DNAJC16: variants seen among roughly 807,000 people sequenced by gnomAD.
DNAJC16 encodes the protein dnaJ homolog subfamily C member 16.
In DNAJC16, 76 loss-of-function variants were observed where a neutral mutation model predicts 92.7. The ratio of observed to expected loss-of-function variants is 0.82; its 90% CI spans 0.68 to 0.99. The LOEUF (loss-of-function observed/expected upper bound fraction) is 0.99, where lower values mean the gene tolerates loss of function less well. DNAJC16 is among the 50% of genes least tolerant of loss of function. The pLI, the probability that DNAJC16 is intolerant of heterozygous loss-of-function variation, is 0.00. For synonymous variants in DNAJC16, 328 were observed against 358.7 expected (o/e 0.91, Z 0.97); for missense variants, 869 against 942.4 (o/e 0.92, Z 1.02).
At chr1:15,553,769 AG>A (rs1211199303) in intron 7 of DNAJC16, among the ~76,000 whole-genome samples, 2 of 152,200 alleles carry the variant, frequency 1.3e-5, no homozygotes, top group Non-Finnish European at 2.9e-5. Context: ...GTTTTCTAAC[AG>A]CATAGATTCG....
chr1:15,530,931 G>A (rs979502366), intron 2 of DNAJC16, among the ~76,000 whole-genome samples: 9 of 152,230 alleles, frequency 5.9e-5, no homozygotes, highest in East Asian at 5.8e-4. Context: ...CAAGTGATCC[G>A]TCCACCTCGG....
chr1:15,536,863 T>G, intron 4 of DNAJC16, 49 bp downstream of exon 4: 1 of 1,500,652 alleles, frequency 6.7e-7, no homozygotes, highest in African/African-American at 1.4e-5. Flanking sequence ...TGACTTTTTT[T>G]TTTTCAAGAT....
At chr1:15,535,844 C>G (rs770503393) in intron 3 of DNAJC16, among the ~76,000 whole-genome samples, 4 of 151,806 alleles carry the variant, frequency 2.6e-5, no homozygotes, top group Non-Finnish European at 5.9e-5. Context: ...TCACTGCAGC[C>G]TTCAACTACT....
chr1:15,544,571 C>T lies in DNAJC16; in HGVS notation c.747C>T (p.Asn249=), dbSNP rs746828447. The T allele has an allele frequency of 6.6e-5, 107 of 1,613,946 alleles. No individual in the cohort carries two copies. Among genetic ancestry groups the T allele is most frequent in the Non-Finnish European group, 9.0e-5 (106 of 1,179,982 alleles). The change falls in exon 5 of 15, where the codon AAC becomes AAT. Residue 249 remains asparagine (N), a synonymous_variant. Coordinates refer to ENST00000375847, the MANE Select transcript of DNAJC16 (RefSeq NM_015291.4). The part of the protein sequence containing the change: ...RQFVESLLPG[N]LVEKVTNKNY... ...TTGTAGAAAGTCTTCTTCCAGGGAA[C>T]TTGGTGGAGAAAGTAAGTATCTGTC... is the stretch of plus-strand genomic sequence containing the variant.
intron 7 of DNAJC16, among the ~76,000 whole-genome samples, chr1:15,556,048 C>T (rs537325555): frequency 6.8e-6 from 1 of 148,128 alleles, no homozygotes; most frequent in South Asian, 2.1e-4. Flanking sequence ...CACCCTAGCA[C>T]TTTTGGAGGC....
At chr1:15,544,105 A>C (rs1487054767) in intron 4 of DNAJC16, among the ~76,000 whole-genome samples, 1 of 146,522 alleles carries the variant, frequency 6.8e-6, no homozygotes, top group Admixed American at 6.9e-5. Flanking sequence ...TCAAGTATTA[A>C]GTGAAATAAG....
At chr1:15,549,855 G>T (rs1418933462) in intron 7 of DNAJC16, among the ~76,000 whole-genome samples, 2 of 151,882 alleles carry the variant, frequency 1.3e-5, no homozygotes, top group Admixed American at 1.3e-4. Flanking sequence ...TTGAGCGAGG[G>T]GGACCATGTT....
intron 7 of DNAJC16, among the ~76,000 whole-genome samples, chr1:15,556,512 C>G (rs1443866059): frequency 6.6e-6 from 1 of 152,230 alleles, no homozygotes; most frequent in Non-Finnish European, 1.5e-5. Flanking sequence ...GCGTGAGCCA[C>G]CGCGCCCAGC....
Position 15,567,136 on chromosome 1 carries a change from C to T in DNAJC16, c.1816C>T (p.Leu606Phe), listed in dbSNP as rs200177292. The T allele has an allele frequency of 6.2e-6, 10 of 1,612,846 alleles. No individual in the cohort carries two copies. The highest frequency in any genetic ancestry group is 8.5e-6 in the Non-Finnish European group (10 of 1,178,948). Residue 606 changes from leucine (L) to phenylalanine (F), a missense_variant, in exon 14 of 15, where the codon CTC becomes TTC. Physicochemically the swap from Leu to Phe is conservative, Grantham distance 22. Coordinates refer to ENST00000375847, the MANE Select transcript of DNAJC16 (RefSeq NM_015291.4). Reference protein sequence around the residue: ...PKKGFVEVTELTDVTYTSNLV... With the variant: ...PKKGFVEVTEFTDVTYTSNLV... The stretch of plus-strand genomic sequence containing the variant: ...AAAAGGCTTTGTGGAGGTAACTGAA[C>T]TCACAGATGTAACATACACCAGTAA...
chr1:15,544,169 C>CACACACACACAT (rs1177435975), intron 4 of DNAJC16, among the ~76,000 whole-genome samples: 1 of 151,190 alleles, frequency 6.6e-6, no homozygotes, highest in African/African-American at 2.4e-5. Context: ...CACACACACA[C>CACACACACACAT]ACACACACAC....
Position 15,570,427 on chromosome 1 carries a change from T to A in DNAJC16, c.*2250T>A, listed in dbSNP as rs1638922155. The A allele has an allele frequency of 6.6e-6, 1 of 152,212 alleles. No individual in the cohort carries two copies. Among genetic ancestry groups the A allele is most frequent in the South Asian group, 2.0e-4 (1 of 4,884 alleles). 9.4% of individuals were successfully genotyped at this position (152,212 alleles called of 1,614,324 possible). A position where few individuals can be genotyped will look rare whatever the true frequency, so the allele number is the denominator to read the frequency against. On this transcript the variant is annotated 3_prime_UTR_variant, in exon 15 of 15. Transcript: ENST00000375847. The stretch of plus-strand genomic sequence containing the variant: ...GGTCTTGCTATGTTGCCCAGGCTGG[T>A]CCCAAACTCCTGGCCTCAAGCAGTC...
Position 15,530,174 on chromosome 1 carries a change from T to A in DNAJC16, c.167+902T>A, listed in dbSNP as rs550231575. 7.9e-5 allele frequency among the ~76,000 whole-genome samples: 12 copies of A among 151,478 alleles called. No homozygotes were observed. The East Asian group carries it at 2.1e-3, about 27-fold the overall frequency. ...GCTCATGTTTGTAATCCCAGCACTT[T>A]GGGAGGCTGAGGTGGGAGGATCGTT... On this transcript the variant is annotated intron_variant, in intron 2 of 14. Transcript: ENST00000375847.
intron 7 of DNAJC16, among the ~76,000 whole-genome samples, chr1:15,558,171 CTTTTTTTT>C (rs1184997158): frequency 6.8e-5 from 8 of 117,800 alleles, no homozygotes; most frequent in Admixed American, 1.8e-4. Context: ...ATACCCAGCC[CTTTTTTTT>C]TTTTTTTTTT....
At chr1:15,553,671 G>A (rs1317028771) in intron 7 of DNAJC16, among the ~76,000 whole-genome samples, 3 of 152,146 alleles carry the variant, frequency 2.0e-5, no homozygotes, top group Admixed American at 1.3e-4. Context: ...AGCTTCACTT[G>A]ATCAAGAAAC....
intron 11 of DNAJC16, 69 bp from the exon 12 acceptor site, chr1:15,565,845 TTTTTA>T (rs1254508109): frequency 2.7e-6 from 4 of 1,488,370 alleles, no homozygotes; most frequent in Middle Eastern, 1.7e-4. Flanking sequence ...TGGTTTGGGA[TTTTTA>T]TTTTATCTTT....
Position 15,570,229 on chromosome 1 carries a change from C to T in DNAJC16, c.*2052C>T, listed in dbSNP as rs1448383501. The T allele has an allele frequency of 6.6e-6, 1 of 152,206 alleles. No homozygotes were observed. The highest frequency in any genetic ancestry group is 1.5e-5 in the Non-Finnish European group (1 of 68,040). The allele number at this position is 152,206 out of a possible 1,614,324, so 9.4% of individuals were successfully genotyped here. On this transcript the variant is annotated 3_prime_UTR_variant, in exon 15 of 15. Coordinates refer to ENST00000375847, the MANE Select transcript of DNAJC16 (RefSeq NM_015291.4). ...TCATTTGGCTCCTTGATACATCAGT[C>T]CTCAATATTACTTTCTAGGTATTTT...
rs984529939 is a variant in DNAJC16, at chr1:15,571,046, G to C, written c.*2869G>C. 1 of 151,840 alleles carries C rather than the reference G, an allele frequency of 6.6e-6. No homozygotes were observed. The highest frequency in any genetic ancestry group is 2.4e-5 in the African/African-American group (1 of 41,352). 9.4% of individuals were successfully genotyped at this position (151,840 alleles called of 1,614,324 possible). A position where few individuals can be genotyped will look rare whatever the true frequency, so the allele number is the denominator to read the frequency against. ...AAAAAAAATTTGTTGCTCAGGTGTT[G>C]CACAATTTTTATCTAACACTGAGGC... On this transcript the variant is annotated 3_prime_UTR_variant, in exon 15 of 15. Transcript: ENST00000375847.
rs116357026 is a variant in DNAJC16 at position 15,537,867 on chromosome 1, G to A, written c.574+1053G>A. 3.8e-3 allele frequency among the ~76,000 whole-genome samples: 583 copies of A among 152,274 alleles called. 2 individuals carry two copies. Among genetic ancestry groups the A allele is most frequent in the Middle Eastern group, 6.8e-3 (2 of 294 alleles). On this transcript the variant is annotated intron_variant, in intron 4 of 14. Transcript: ENST00000375847. ...AGTCTGACCGTCTTAAACACTGCGCGCGTACTGCTTCAGAAATAAGTAAAT... is the reference window on the plus strand; with the variant it reads ...AGTCTGACCGTCTTAAACACTGCGCACGTACTGCTTCAGAAATAAGTAAAT...
At chr1:15,560,801 G>A (rs1025730905) in intron 8 of DNAJC16, among the ~76,000 whole-genome samples, 1 of 151,832 alleles carries the variant, frequency 6.6e-6, no homozygotes, top group Non-Finnish European at 1.5e-5. Flanking sequence ...CTGCCACCCT[G>A]GAACAAGCCA....
Sources: gnomAD v4.1 joint callset for allele counts (sites outside exome capture counted in the v4.1 genomes callset) on GRCh38, gnomAD v4.1.1 for gene constraint, MANE v1.5 for transcripts, NCBI Gene and HGNC (gene_info 2026-07-23, HGNC 2026-07-21) for gene names.